The following FGF13 variants were observed in gnomAD, a reference collection of about 807,000 sequenced individuals.
FGF13 encodes the protein fibroblast growth factor 13.
FGF13 carries 2 observed loss-of-function variants against 19.5 expected under a neutral mutation model. The observed-to-expected ratio is 0.10, with a 90% confidence interval of 0.04 to 0.32. The LOEUF (loss-of-function observed/expected upper bound fraction) is 0.32, where lower values mean the gene tolerates loss of function less well. Among genes scored for constraint, FGF13 ranks in the 10% least tolerant of loss-of-function variants. The pLI is 1.00. For missense variants in FGF13, 113 were observed against 192.7 expected (o/e 0.59, Z 2.45); for synonymous variants, 72 against 76.9 (o/e 0.94, Z 0.33).
intron 1 of FGF13, among the ~76,000 whole-genome samples, chrX:139,030,747 T>A (rs1009288121): frequency 8.9e-6 from 1 of 111,883 alleles, no homozygotes. Flanking sequence ...TCAGACTTCT[T>A]ACCTGGTTCC....
At chrX:138,864,224 TG>T (rs997546753) in intron 2 of FGF13, among the ~76,000 whole-genome samples, 4 of 112,676 alleles carry the variant, frequency 3.6e-5, no homozygotes, top group South Asian at 3.7e-4. Flanking sequence ...AACACTTTTT[TG>T]ACCCTCAAAG....
intron 1 of FGF13, among the ~76,000 whole-genome samples, chrX:138,881,694 T>C (rs1295332015): frequency 8.9e-6 from 1 of 112,042 alleles, no homozygotes; most frequent in African/African-American, 3.2e-5. Context: ...TTTGTTTGTA[T>C]ATAGTTGTTT....
At position 139,098,551 on chromosome X, in the gene FGF13, G is replaced by A. The variant is rs374713673; in HGVS notation, c.-113+104865C>T. ...ATACACCATGGAATACTACACAACCGTAAAAAGAAATGAAATCATGCCTGT... is the reference window on the plus strand; with the variant it reads ...ATACACCATGGAATACTACACAACCATAAAAAGAAATGAAATCATGCCTGT... On this transcript the variant is annotated intron_variant, in intron 1 of 2. Transcript: ENST00000421460. Among the ~76,000 whole-genome samples, 8 of 111,310 alleles carry A rather than the reference G, an allele frequency of 7.2e-5. No individual in the cohort carries two copies. The East Asian group carries it at 1.1e-3, about 16-fold the overall frequency.
chrX:139,017,409 T>C (rs909923338), intron 1 of FGF13, among the ~76,000 whole-genome samples: 2 of 108,961 alleles, frequency 1.8e-5, no homozygotes, highest in African/African-American at 6.7e-5. Context: ...TAGATATGAA[T>C]ACATACACGA....
At chrX:139,048,868 T>C (rs1349626732) in intron 1 of FGF13, among the ~76,000 whole-genome samples, 1 of 111,427 alleles carries the variant, frequency 9.0e-6, no homozygotes, top group African/African-American at 3.3e-5. Context: ...AATAATAATT[T>C]TGTCATTTTC....
At chrX:138,936,097 A>G (rs1028542963) in intron 1 of FGF13, among the ~76,000 whole-genome samples, 6 of 112,621 alleles carry the variant, frequency 5.3e-5, no homozygotes, top group African/African-American at 1.6e-4. Context: ...ACTTGAGCAA[A>G]GGGGAATTAT....
chrX:138,840,469 C>T (rs1391163374), intron 3 of FGF13, among the ~76,000 whole-genome samples: 2 of 111,812 alleles, frequency 1.8e-5, no homozygotes, highest in Non-Finnish European at 3.8e-5. Flanking sequence ...ATTCAATATG[C>T]ACAACAGGTC....
intron 3 of FGF13, among the ~76,000 whole-genome samples, chrX:138,832,227 A>G (rs1005518784): frequency 1.8e-5 from 2 of 112,050 alleles, no homozygotes; most frequent in Non-Finnish European, 3.8e-5. Flanking sequence ...GTCTCTGAGA[A>G]ATTGCCACAT....
intron 3 of FGF13, among the ~76,000 whole-genome samples, chrX:138,640,822 G>A (rs1422164857): frequency 2.7e-5 from 3 of 111,663 alleles, no homozygotes; most frequent in Non-Finnish European, 5.6e-5. Context: ...CCCTGCTCTT[G>A]TATTTTCAGC....
chrX:138,772,519 T>G lies in FGF13; in HGVS notation c.218-63591A>C, dbSNP rs1024379550. ...TGATGCCATTTGTCTTCATTCCTTA[T>G]ATATTTTGTATGTGAGTTCTTCAAT... is the stretch of plus-strand genomic sequence containing the variant. On this transcript the variant is annotated intron_variant, in intron 3 of 6. Transcript: ENST00000436198. 2.7e-5 allele frequency among the ~76,000 whole-genome samples: 3 copies of G among 111,515 alleles called. No homozygotes were observed. In the East Asian group the frequency reaches 8.4e-4, roughly 31 times the overall value.
At chrX:138,846,811 T>C (rs974944116) in intron 3 of FGF13, among the ~76,000 whole-genome samples, 2 of 112,162 alleles carry the variant, frequency 1.8e-5, no homozygotes, top group East Asian at 5.7e-4. Context: ...TAGGAACAGA[T>C]CTATTGCATT....
intron 1 of FGF13, among the ~76,000 whole-genome samples, chrX:138,927,971 G>A (rs1195803625): frequency 9.0e-6 from 1 of 111,423 alleles, no homozygotes; most frequent in Non-Finnish European, 1.9e-5. Context: ...TAATTATTTA[G>A]GACAATTAAA....
intron 3 of FGF13, among the ~76,000 whole-genome samples, chrX:138,651,047 A>G (rs762584449): frequency 8.9e-6 from 1 of 112,039 alleles, no homozygotes; most frequent in African/African-American, 3.2e-5. Flanking sequence ...TGAAAACCAT[A>G]GGGAGGAGGA....
At chrX:138,807,340 G>C (rs1392396210) in intron 3 of FGF13, among the ~76,000 whole-genome samples, 2 of 111,096 alleles carry the variant, frequency 1.8e-5, no homozygotes, top group East Asian at 2.8e-4. Flanking sequence ...GAGGTAGGAA[G>C]CTAAGCTTCA....
intron 1 of FGF13, among the ~76,000 whole-genome samples, chrX:138,892,583 G>A (rs2091483319): frequency 9.0e-6 from 1 of 111,115 alleles, no homozygotes; most frequent in Non-Finnish European, 1.9e-5. Flanking sequence ...AGGAGGCAGA[G>A]TGTTTCAGAT....
intron 3 of FGF13, among the ~76,000 whole-genome samples, chrX:138,680,681 G>T (rs2089718930): frequency 9.0e-6 from 1 of 111,585 alleles, no homozygotes; most frequent in African/African-American, 3.3e-5. Context: ...TCCATTTATA[G>T]ATTAGAAGTA....
At chrX:138,740,765 TG>T (rs758361413), upstream of FGF13, among the ~76,000 whole-genome samples, 51 of 112,489 alleles carry the variant, frequency 4.5e-4, no homozygotes, top group Non-Finnish European at 8.1e-4. Context: ...GGCCATGCTC[TG>T]AGAAGGGCCC....
chrX:138,839,011 T>A (rs2091131502), intron 3 of FGF13, among the ~76,000 whole-genome samples: 1 of 111,582 alleles, frequency 9.0e-6, no homozygotes, highest in Admixed American at 9.5e-5. Context: ...GCCAATGTGA[T>A]GGTATTTATG....
chrX:138,658,472 C>T (rs939033693), intron 3 of FGF13, among the ~76,000 whole-genome samples: 2 of 112,226 alleles, frequency 1.8e-5, no homozygotes, highest in African/African-American at 3.2e-5. Context: ...TTTATTTAGG[C>T]TAGGTATATA....
Sources: allele counts gnomAD v4.1 joint callset (sites outside exome capture counted in the v4.1 genomes callset), GRCh38; gene constraint gnomAD v4.1.1; transcripts MANE v1.5; gene names NCBI Gene and HGNC (gene_info 2026-07-23, HGNC 2026-07-21).